Variants in EPM2A observed in about 807,000 individuals in gnomAD.
EPM2A encodes EPM2A glucan phosphatase, laforin.
In EPM2A, 21 loss-of-function variants were observed where a neutral mutation model predicts 26.5. The ratio of observed to expected loss-of-function variants is 0.79; its 90% CI spans 0.56 to 1.14. EPM2A has a LOEUF of 1.14. Among genes scored for constraint, EPM2A ranks in the 50% most tolerant of loss-of-function variants. The probability of loss-of-function intolerance (pLI) is 0.00; values close to 1 mark genes in which losing one functional copy is unlikely to be tolerated. For missense variants in EPM2A, 458 were observed against 440.8 expected, an observed-to-expected ratio of 1.04 and a Z score of -0.35; for synonymous variants, 217 against 177.6, an observed-to-expected ratio of 1.22 and a Z score of -1.76.
At chr6:145,470,830 T>A (rs982986472) in intron 4 of EPM2A, among the ~76,000 whole-genome samples, 13 of 152,154 alleles carry the variant, frequency 8.5e-5, no homozygotes, top group African/African-American at 2.9e-4. Context: ...ACAGTGAATA[T>A]CAGCTATTCA....
In EPM2A at chr6:145,460,344, CTGTA is replaced by C. The variant is rs1395980889; in HGVS notation, c.555+42174_555+42177del. On this transcript the variant is annotated intron_variant, in intron 4 of 4. Transcript: ENST00000638717. ...TTTCCCTGAGATTGTCACCAACAAA[CTGTA>C]TGATACTCCAAGTTTCTTAACCTTC... is the stretch of plus-strand genomic sequence containing the variant. Among the ~76,000 whole-genome samples, 6 of 152,272 alleles carry C rather than the reference CTGTA, an allele frequency of 3.9e-5. No individual in the cohort carries two copies. In the East Asian group the frequency reaches 7.7e-4, roughly 20 times the overall value.
intron 2 of EPM2A, among the ~76,000 whole-genome samples, chr6:145,653,742 G>A (rs1441068025): frequency 6.6e-6 from 1 of 152,204 alleles, no homozygotes; most frequent in Non-Finnish European, 1.5e-5. Context: ...CTCTTCTGGG[G>A]AAGTCAGTCT....
At chr6:145,403,345 AACTAT>A (rs1778520728) in intron 4 of EPM2A, among the ~76,000 whole-genome samples, 1 of 122,760 alleles carries the variant, frequency 8.1e-6, no homozygotes, top group Non-Finnish European at 1.8e-5. Context: ...CATTCTTTCT[AACTAT>A]TTTTTGTACC....
chr6:145,509,082 T>C (rs1442508063), intron 2 of EPM2A, among the ~76,000 whole-genome samples: 1 of 152,112 alleles, frequency 6.6e-6, no homozygotes, highest in East Asian at 1.9e-4. Flanking sequence ...TTGAGAAATA[T>C]AGGATTATGT....
intron 4 of EPM2A, among the ~76,000 whole-genome samples, chr6:145,403,571 T>TCC (rs2114668856): frequency 6.6e-6 from 1 of 152,230 alleles, no homozygotes; most frequent in African/African-American, 2.4e-5. Context: ...TTTAGTTCCG[T>TCC]CCATGTTGTT....
At chr6:145,425,039 A>G (rs1778835014) in intron 4 of EPM2A, among the ~76,000 whole-genome samples, 1 of 152,184 alleles carries the variant, frequency 6.6e-6, no homozygotes, top group East Asian at 1.9e-4. Flanking sequence ...TATATACAGT[A>G]CAGTACCATA....
At chr6:145,438,328 T>C (rs1779015700) in intron 4 of EPM2A, among the ~76,000 whole-genome samples, 1 of 152,156 alleles carries the variant, frequency 6.6e-6, no homozygotes, top group Admixed American at 6.5e-5. Context: ...TAACTGTAAT[T>C]GTGTGCTTAT....
chr6:145,707,533 G>A (rs948184931), intron 1 of EPM2A, among the ~76,000 whole-genome samples: 1 of 152,102 alleles, frequency 6.6e-6, no homozygotes, highest in African/African-American at 2.4e-5. Context: ...ATGGGGGTGG[G>A]TTTTTCCCTG....
At chr6:145,441,967 C>A (rs972969658) in intron 4 of EPM2A, among the ~76,000 whole-genome samples, 4 of 152,144 alleles carry the variant, frequency 2.6e-5, no homozygotes, top group Non-Finnish European at 5.9e-5. Flanking sequence ...CTGTCAGATA[C>A]CCTAAATCAT....
rs1162688379 is a variant in EPM2A at position 145,626,631 on chromosome 6, A to ATATAGAT, written c.*778_*784dup. On this transcript the variant is annotated 3_prime_UTR_variant, in exon 4 of 4. Coordinates refer to ENST00000367519, the MANE Select transcript of EPM2A (RefSeq NM_005670.4). Reference sequence around the variant, plus strand: ...ATGAAAACAGTGCTGAGTCAAATAAATATAGATTATTAACTCCAGCTTGCC... The same window carrying ATATAGAT: ...ATGAAAACAGTGCTGAGTCAAATAAATATAGATTATAGATTATTAACTCCAGCTTGCC... 6 of 980,126 alleles carry ATATAGAT rather than the reference A, an allele frequency of 6.1e-6. No homozygotes were observed. Among genetic ancestry groups the ATATAGAT allele is most frequent in the Non-Finnish European group, 7.3e-6 (6 of 825,050 alleles). 60.7% of individuals were successfully genotyped at this position (980,126 alleles called of 1,614,324 possible).
chr6:145,489,824 G>A (rs1779731073), intron 4 of EPM2A: 2 of 1,445,476 alleles, frequency 1.4e-6, no homozygotes, highest in East Asian at 2.3e-5. Context: ...TCTGCTTCTA[G>A]AAGTTCAGTT....
At chr6:145,649,056 G>C (rs964975486) in intron 2 of EPM2A, among the ~76,000 whole-genome samples, 2 of 152,108 alleles carry the variant, frequency 1.3e-5, no homozygotes, top group African/African-American at 4.8e-5. Flanking sequence ...AATTATGCTT[G>C]TGACCTTTGC....
intron 2 of EPM2A, among the ~76,000 whole-genome samples, chr6:145,527,839 G>A (rs1355508963): frequency 6.6e-6 from 1 of 152,042 alleles, no homozygotes; most frequent in African/African-American, 2.4e-5. Context: ...GTCATAAGCT[G>A]AGAAATGCTG....
intron 2 of EPM2A, among the ~76,000 whole-genome samples, chr6:145,657,928 T>C (rs562971323): frequency 7.6e-4 from 115 of 152,314 alleles, no homozygotes; most frequent in Admixed American, 2.9e-3. Flanking sequence ...CCTAAAGTGA[T>C]AGTACCAACC....
intron 2 of EPM2A, among the ~76,000 whole-genome samples, chr6:145,604,437 T>G (rs953087624): frequency 1.3e-5 from 2 of 152,120 alleles, no homozygotes; most frequent in Admixed American, 1.3e-4. Flanking sequence ...ATATGTATAT[T>G]TGAATGACTC....
rs1206271524 is a variant in EPM2A at position 145,647,399 on chromosome 6, TG to T, written c.477-11914del. ...GCTCATCTATTCAACCAAGCCTACA[TG>T]ATCTTCCTTGATCTCCAATAGGCTC... On this transcript the variant is annotated intron_variant, in intron 2 of 3. Coordinates refer to ENST00000367519, the MANE Select transcript of EPM2A (RefSeq NM_005670.4). Among the ~76,000 whole-genome samples, 8 of 152,238 alleles carry T rather than the reference TG, an allele frequency of 5.3e-5. No homozygotes were observed. In the East Asian group the frequency reaches 5.8e-4, roughly 11 times the overall value.
chr6:145,481,246 CT>C (rs1433070056), intron 4 of EPM2A, among the ~76,000 whole-genome samples: 3 of 152,040 alleles, frequency 2.0e-5, no homozygotes, highest in Non-Finnish European at 4.4e-5. Context: ...CAAAGATTTC[CT>C]TTATTTTTTA....
chr6:145,580,237 G>T (rs1043230598), intron 2 of EPM2A, among the ~76,000 whole-genome samples: 3 of 151,990 alleles, frequency 2.0e-5, no homozygotes, highest in Admixed American at 2.0e-4. Context: ...TGCCAGAGAT[G>T]AATTCTTTCA....
chr6:145,464,492 A>G (rs1156475938), intron 4 of EPM2A, among the ~76,000 whole-genome samples: 3 of 152,100 alleles, frequency 2.0e-5, no homozygotes, highest in Non-Finnish European at 4.4e-5. Context: ...ATTTTTTCCT[A>G]CCATGATGGG....
Sources: gnomAD v4.1 joint callset for allele counts (sites outside exome capture counted in the v4.1 genomes callset) on GRCh38, gnomAD v4.1.1 for gene constraint, MANE v1.5 for transcripts, NCBI Gene and HGNC (gene_info 2026-07-23, HGNC 2026-07-21) for gene names.